The following TBC1D3B variants were observed in gnomAD, a reference collection of about 807,000 sequenced individuals.
TBC1D3B encodes Rab GTPase-activating protein PRC17 duplicate.
A neutral mutation model predicts 27.1 loss-of-function variants in TBC1D3B; 2 were observed. The ratio of observed to expected loss-of-function variants is 0.07; its 90% CI spans 0.03 to 0.23. The LOEUF (loss-of-function observed/expected upper bound fraction) is 0.23. Among genes scored for constraint, TBC1D3B ranks in the 10% least tolerant of loss-of-function variants. The pLI is 1.00. For synonymous variants in TBC1D3B, 3 were observed against 150.1 expected (o/e 0.02, Z 7.16); for missense variants, 17 against 401.3 (o/e 0.04, Z 8.18).
chr17:36,168,533 C>T, intron 11 of TBC1D3B, 97 bp downstream of exon 11: 1 of 310,110 alleles, frequency 3.2e-6, no homozygotes, highest in South Asian at 2.7e-5. Context: ...CCTGAGCCTC[C>T]TGTGGGCTGG....
In TBC1D3B at chr17:36,169,020, C is replaced by T. The variant is rs1157105961; in HGVS notation, c.762+60G>A. 2.0e-5 allele frequency: 31 copies of T among 1,582,436 alleles called. 1 individual carries two copies. The highest frequency in any genetic ancestry group is 2.7e-5 in the African/African-American group (2 of 74,772). ...CCCACGAGGGGCCCCAGCCCCCCTG[C>T]TCCTACAGCCCCACGGGAGGCAGGG... On this transcript the variant is annotated intron_variant, in intron 10 of 13. Transcript: ENST00000611257.
At chr17:36,167,088 G>A (rs1244132236) in intron 13 of TBC1D3B, among the ~76,000 whole-genome samples, 2 of 108,066 alleles carry the variant, frequency 1.9e-5, no homozygotes, top group Non-Finnish European at 2.7e-5. Flanking sequence ...ATGCTCTGTG[G>A]GTCAGGGACA....
At chr17:36,167,107 C>G (rs1411330448) in intron 13 of TBC1D3B, among the ~76,000 whole-genome samples, 1 of 108,344 alleles carries the variant, frequency 9.2e-6, no homozygotes, top group African/African-American at 2.5e-5. Context: ...CACCGATTCC[C>G]TTGACTCCCT....
chr17:36,171,227 C>A (rs2068347888), intron 7 of TBC1D3B, among the ~76,000 whole-genome samples: 1 of 150,480 alleles, frequency 6.6e-6, no homozygotes, highest in Non-Finnish European at 1.5e-5. Flanking sequence ...ACCAGCCTTG[C>A]TCTCCCCATT....
intron 9 of TBC1D3B, among the ~76,000 whole-genome samples, 175 bp from the exon 10 acceptor site, chr17:36,169,349 C>T (rs2068312190): frequency 1.3e-5 from 2 of 149,610 alleles, no homozygotes; most frequent in Non-Finnish European, 3.0e-5. Flanking sequence ...GGAACATTCC[C>T]TGGAGCCTGG....
rs2142158293 is a variant in TBC1D3B, at chr17:36,165,702, T to C, written c.*293A>G. 2.1e-6 allele frequency: 2 copies of C among 964,038 alleles called. No homozygotes were observed. The highest frequency in any genetic ancestry group is 3.3e-5 in the South Asian group (2 of 60,334). The allele number at this position is 964,038 out of a possible 1,614,324, so 59.7% of individuals were successfully genotyped here. The stretch of plus-strand genomic sequence containing the variant: ...AAAGCATTTCAACAGGAAACATTTA[T>C]TTCAAAACGTGAAGGTAGTTATCCT... On this transcript the variant is annotated 3_prime_UTR_variant, in exon 14 of 14. Coordinates refer to ENST00000611257, the MANE Select transcript of TBC1D3B (RefSeq NM_001001417.7).
intron 7 of TBC1D3B, among the ~76,000 whole-genome samples, chr17:36,170,812 G>C (rs1456755541): frequency 1.1e-4 from 9 of 84,404 alleles, no homozygotes; most frequent in South Asian, 4.7e-4. Context: ...ACAGTGACTT[G>C]CCTGATCCTT....
intron 9 of TBC1D3B, among the ~76,000 whole-genome samples, chr17:36,169,469 T>C (rs1280662709): frequency 6.7e-6 from 1 of 149,598 alleles, no homozygotes; most frequent in African/African-American, 2.4e-5. Flanking sequence ...TTCCCGGTCA[T>C]CTCCTGGTAG....
At chr17:36,176,048 G>C (rs1325118245) in intron 1 of TBC1D3B, among the ~76,000 whole-genome samples, 2 of 49,568 alleles carry the variant, frequency 4.0e-5, no homozygotes, top group Admixed American at 1.3e-4. Context: ...AGGACCGTCA[G>C]TGGATCTGTA....
Position 36,166,669 on chromosome 17 carries a change from GC to G in TBC1D3B, c.1082-107del. On this transcript the variant is annotated intron_variant, in intron 13 of 13. Coordinates refer to ENST00000611257, the MANE Select transcript of TBC1D3B (RefSeq NM_001001417.7). ...TCGGAGTCCTCGGGGTCTCTGTGTG[GC>G]CCCCGTGGCCTGACACCGAGGACAC... 4.7e-6 allele frequency: 2 copies of G among 422,356 alleles called. 1 individual carries two copies. Among genetic ancestry groups the G allele is most frequent in the Admixed American group, 7.7e-5 (2 of 25,824 alleles). 26.2% of individuals were successfully genotyped at this position (422,356 alleles called of 1,614,324 possible).
chr17:36,166,525 G>A lies in TBC1D3B; in HGVS notation c.1120C>T (p.Pro374Ser). The A allele has an allele frequency of 3.7e-6, 2 of 535,540 alleles. No homozygotes were observed. Among genetic ancestry groups the A allele is most frequent in the East Asian group, 3.3e-5 (1 of 30,360 alleles). The allele number at this position is 535,540 out of a possible 1,614,324, so 33.2% of individuals were successfully genotyped here. A position where few individuals can be genotyped will look rare whatever the true frequency, so the allele number is the denominator to read the frequency against. ...EQGSSASRPV[P>S]ASRGRKTLCK... is the part of the protein sequence containing the mutation. The stretch of plus-strand genomic sequence containing the variant: ...AGGGTCTTCCTGCCACGTGAAGCCG[G>A]CACAGGCCTGGATGCCGACGACCCT... Residue 374 changes from proline to serine, a missense_variant, in exon 14 of 14, where the codon CCG (proline) becomes TCG (serine). Coordinates refer to ENST00000611257, the MANE Select transcript of TBC1D3B (RefSeq NM_001001417.7).
chr17:36,171,001 C>G (rs2068342283), intron 7 of TBC1D3B, among the ~76,000 whole-genome samples: 1 of 79,446 alleles, frequency 1.3e-5, no homozygotes, highest in African/African-American at 3.2e-5. Flanking sequence ...TGCACCCAGC[C>G]TCTCCCTGAT....
intron 7 of TBC1D3B, among the ~76,000 whole-genome samples, chr17:36,171,185 T>G (rs902965312): frequency 6.7e-6 from 1 of 149,324 alleles, no homozygotes; most frequent in Non-Finnish European, 1.5e-5. Context: ...GCTCGTTCCC[T>G]TTTCTCACTG....
intron 7 of TBC1D3B, among the ~76,000 whole-genome samples, chr17:36,171,388 C>G (rs62078189): frequency 2.0e-5 from 3 of 148,740 alleles, no homozygotes; most frequent in Non-Finnish European, 4.6e-5. Context: ...TCAAGTCCAT[C>G]GAGCTTTGTG....
In TBC1D3B at chr17:36,165,863, A is replaced by G. The variant is rs2068242604; in HGVS notation, c.*132T>C. On this transcript the variant is annotated 3_prime_UTR_variant, in exon 14 of 14. Transcript: ENST00000611257. ...GGGGTCTGGTGTGTTCCATCTCTGA[A>G]TGTCTCTCAAGCTGCACTCTTTCTT... 1.2e-5 allele frequency: 11 copies of G among 954,956 alleles called. 2 individuals carry two copies. The East Asian group carries it at 2.5e-4, about 21-fold the overall frequency. 59.2% of individuals were successfully genotyped at this position (954,956 alleles called of 1,614,324 possible).
rs1377021204 is a variant in TBC1D3B at position 36,169,008 on chromosome 17, C to A, written c.762+72G>T. The A allele has an allele frequency of 1.2e-5, 19 of 1,570,796 alleles. 1 individual carries two copies. The Admixed American group carries it at 2.4e-4, about 19-fold the overall frequency. The stretch of plus-strand genomic sequence containing the variant: ...CCAGTCACCAGCCCCACGAGGGGCC[C>A]CAGCCCCCCTGCTCCTACAGCCCCA... On this transcript the variant is annotated intron_variant, in intron 10 of 13. Coordinates refer to ENST00000611257, the MANE Select transcript of TBC1D3B (RefSeq NM_001001417.7).
At position 36,167,074 on chromosome 17, in the gene TBC1D3B, C is replaced by T; in HGVS notation, c.1081+470G>A. On this transcript the variant is annotated intron_variant, in intron 13 of 13. Coordinates refer to ENST00000611257, the MANE Select transcript of TBC1D3B (RefSeq NM_001001417.7). The stretch of plus-strand genomic sequence containing the variant: ...CCGGGGTCCCGCCTGTGCCCTCTCC[C>T]TGAATGCTCTGTGGGTCAGGGACAC... 1.9e-5 allele frequency among the ~76,000 whole-genome samples: 2 copies of T among 107,494 alleles called. 1 individual carries two copies. The highest frequency in any genetic ancestry group is 9.1e-3 in the Middle Eastern group (2 of 220). The allele number at this position is 107,494 out of a possible 152,430, so 70.5% of individuals were successfully genotyped here.
At chr17:36,171,516 G>T (rs1411364388) in intron 7 of TBC1D3B, among the ~76,000 whole-genome samples, 1 of 151,230 alleles carries the variant, frequency 6.6e-6, no homozygotes, top group African/African-American at 2.4e-5. Flanking sequence ...CTGTTGCCTG[G>T]GGGGGCTCAT....
intron 7 of TBC1D3B, among the ~76,000 whole-genome samples, chr17:36,170,953 C>T (rs1189748343): frequency 1.2e-4 from 10 of 81,600 alleles, no homozygotes; most frequent in African/African-American, 3.0e-4. Flanking sequence ...CCTCCTGGGG[C>T]GACTCCTTCA....
Sources: allele counts gnomAD v4.1 joint callset (sites outside exome capture counted in the v4.1 genomes callset), GRCh38; gene constraint gnomAD v4.1.1; transcripts MANE v1.5; gene names NCBI Gene and HGNC (gene_info 2026-07-23, HGNC 2026-07-21).